Variants in MCPH1 observed in about 807,000 individuals in gnomAD.
MCPH1 encodes the protein microcephalin 1.
A neutral mutation model predicts 84.5 loss-of-function variants in MCPH1; 104 were observed. The observed-to-expected ratio is 1.23, with a 90% CI of 1.05 to 1.45. MCPH1 has a LOEUF of 1.45. MCPH1 is among the 40% of genes most tolerant of loss of function. The probability of loss-of-function intolerance (pLI) is 0.00; values close to 1 mark genes in which losing one functional copy is unlikely to be tolerated. For synonymous variants in MCPH1, 514 were observed against 366.8 expected (o/e 1.40, Z -4.58); for missense variants, 1,498 against 1,005.7 (o/e 1.49, Z -6.62).
intron 9 of MCPH1, among the ~76,000 whole-genome samples, chr8:6,472,386 A>G (rs187089358): frequency 2.6e-3 from 390 of 152,334 alleles, no homozygotes; most frequent in African/African-American, 7.5e-3. Context: ...AATTATTTCA[A>G]GCATCTGTTT....
chr8:6,597,445 G>T (rs1016031512), intron 12 of MCPH1, among the ~76,000 whole-genome samples: 5 of 152,168 alleles, frequency 3.3e-5, no homozygotes, highest in African/African-American at 9.7e-5. Flanking sequence ...CTTGTAAGAT[G>T]AATTTTATGT....
chr8:6,549,589 C>T (rs563763433), intron 12 of MCPH1, among the ~76,000 whole-genome samples: 1 of 151,938 alleles, frequency 6.6e-6, no homozygotes, highest in South Asian at 2.1e-4. Flanking sequence ...GGCGGGAAGC[C>T]TTCTGCATCT....
chr8:6,592,818 C>A (rs1388140112), intron 12 of MCPH1, among the ~76,000 whole-genome samples: 5 of 84,288 alleles, frequency 5.9e-5, no homozygotes, highest in Non-Finnish European at 1.1e-4. Context: ...CCACACCTGG[C>A]AATTTTTTTT....
chr8:6,494,596 A>G (rs1293510943), intron 11 of MCPH1: 1 of 152,242 alleles, frequency 6.6e-6, no homozygotes, highest in Non-Finnish European at 1.5e-5. Context: ...CTTCATTAAA[A>G]GTATAACTTG....
At chr8:6,432,369 A>G (rs936233731) in intron 4 of MCPH1, among the ~76,000 whole-genome samples, 41 of 152,270 alleles carry the variant, frequency 2.7e-4, no homozygotes, top group Admixed American at 4.6e-4. Flanking sequence ...AATTTGTGTT[A>G]AATTTTTTTT....
chr8:6,434,243 C>G (rs1349528795), intron 4 of MCPH1, among the ~76,000 whole-genome samples: 1 of 152,210 alleles, frequency 6.6e-6, no homozygotes, highest in African/African-American at 2.4e-5. Flanking sequence ...CCAACCTGCA[C>G]CGTACCTGAG....
intron 12 of MCPH1, among the ~76,000 whole-genome samples, chr8:6,604,918 G>T (rs1050901742): frequency 6.6e-6 from 1 of 152,238 alleles, no homozygotes; most frequent in African/African-American, 2.4e-5. Context: ...AGGAGTAAGA[G>T]CAAGAAGATC....
intron 3 of MCPH1, among the ~76,000 whole-genome samples, chr8:6,425,700 C>T (rs1800959012): frequency 1.3e-5 from 2 of 152,342 alleles, no homozygotes; most frequent in South Asian, 4.1e-4. Context: ...AAACTGCTAA[C>T]TTAAAGAATA....
At chr8:6,606,306 G>C (rs1046390578) in intron 12 of MCPH1, among the ~76,000 whole-genome samples, 4 of 152,192 alleles carry the variant, frequency 2.6e-5, no homozygotes, top group Non-Finnish European at 4.4e-5. Context: ...CTCAAAAGAA[G>C]AGAGTAAAAA....
rs532345939 is a variant in MCPH1 at position 6,638,155 on chromosome 8, G to A, written c.2453-4839G>A. 7.9e-5 allele frequency among the ~76,000 whole-genome samples: 12 copies of A among 152,306 alleles called. No individual in the cohort carries two copies. In the East Asian group the frequency reaches 9.6e-4, roughly 12 times the overall value. On this transcript the variant is annotated intron_variant, in intron 13 of 13. Coordinates refer to ENST00000344683, the MANE Select transcript of MCPH1 (RefSeq NM_024596.5). The stretch of plus-strand genomic sequence containing the variant: ...CAGCTCTGGGCTCATTATGAGAAAC[G>A]ACTCTAGGAATATTTGTAACCTGCT...
At chr8:6,535,125 A>T (rs1490503533) in intron 12 of MCPH1, among the ~76,000 whole-genome samples, 1 of 152,224 alleles carries the variant, frequency 6.6e-6, no homozygotes, top group Non-Finnish European at 1.5e-5. Flanking sequence ...AAAAAGTCTT[A>T]ACCTCCTTCT....
chr8:6,451,663 T>G (rs1376613971), intron 8 of MCPH1, among the ~76,000 whole-genome samples: 4 of 152,058 alleles, frequency 2.6e-5, no homozygotes, highest in Non-Finnish European at 4.4e-5. Flanking sequence ...GTAGAACCCG[T>G]ATAACTTGCA....
chr8:6,446,228 A>G (rs1284752439), intron 8 of MCPH1: 1 of 937,246 alleles, frequency 1.1e-6, no homozygotes, highest in South Asian at 4.9e-5. Flanking sequence ...ACAATAAAAA[A>G]TTTTGCACTT....
At chr8:6,471,197 A>G (rs2442494) in intron 9 of MCPH1, among the ~76,000 whole-genome samples, 146,837 of 152,224 alleles carry the variant, frequency 0.96, 70,931 homozygotes, top group East Asian at 1. Context: ...CTTTCCCCAA[A>G]AGGGCTTTGT....
intron 12 of MCPH1, among the ~76,000 whole-genome samples, chr8:6,605,340 C>T (rs945044349): frequency 1.3e-5 from 2 of 152,222 alleles, no homozygotes; most frequent in African/African-American, 2.4e-5. Flanking sequence ...TGCAAAAAAG[C>T]TTGTTTCACC....
intron 4 of MCPH1, among the ~76,000 whole-genome samples, chr8:6,434,854 A>C (rs1318933069): frequency 6.6e-6 from 1 of 152,230 alleles, no homozygotes; most frequent in Non-Finnish European, 1.5e-5. Flanking sequence ...CTGGGGTCCT[A>C]TAAGAAAGAA....
intron 12 of MCPH1, chr8:6,521,130 C>G (rs765156234): frequency 6.7e-7 from 1 of 1,493,210 alleles, no homozygotes; most frequent in Non-Finnish European, 9.2e-7. Context: ...GAGTGTTTTA[C>G]TGACTAAAGG....
chr8:6,621,300 C>G lies in MCPH1; in HGVS notation c.2215-154C>G, dbSNP rs561803058. 63 of 952,228 alleles carry G rather than the reference C, an allele frequency of 6.6e-5. No homozygotes were observed. The African/African-American group carries it at 7.9e-4, about 12-fold the overall frequency. 59.0% of individuals were successfully genotyped at this position (952,228 alleles called of 1,614,324 possible). A position where few individuals can be genotyped will look rare whatever the true frequency, so the allele number is the denominator to read the frequency against. ...TATGTCATTAATGTCATCATCTTCTCTGGATTCTCAGAATTCAAAATTCAC... is the reference window on the plus strand; with the variant it reads ...TATGTCATTAATGTCATCATCTTCTGTGGATTCTCAGAATTCAAAATTCAC... On this transcript the variant is annotated intron_variant, in intron 12 of 13. Coordinates refer to ENST00000344683, the MANE Select transcript of MCPH1 (RefSeq NM_024596.5).
intron 3 of MCPH1, among the ~76,000 whole-genome samples, chr8:6,416,286 ATGTCATGTCATG>A (rs1178714004): frequency 7.3e-3 from 5 of 684 alleles, no homozygotes. Context: ...ATGTCATGTC[ATGTCATGTCATG>A]TCATGTCATG....
Sources: gnomAD v4.1 joint callset for allele counts (sites outside exome capture counted in the v4.1 genomes callset) on GRCh38, gnomAD v4.1.1 for gene constraint, MANE v1.5 for transcripts, NCBI Gene and HGNC (gene_info 2026-07-23, HGNC 2026-07-21) for gene names.